Variants in SLC24A3 observed in about 807,000 individuals in gnomAD.
SLC24A3 encodes solute carrier family 24 member 3.
Under a neutral mutation model 75.8 loss-of-function variants are expected in SLC24A3, and 28 were observed. The ratio of observed to expected loss-of-function variants is 0.37; its 90% CI spans 0.27 to 0.51. SLC24A3 has a LOEUF of 0.51. Among genes scored for constraint, SLC24A3 ranks in the 20% least tolerant of loss-of-function variants. The pLI is 0.94. For synonymous variants in SLC24A3, 372 were observed against 334.1 expected, an observed-to-expected ratio of 1.11 and a Z score of -1.24; for missense variants, 663 against 847.8, an observed-to-expected ratio of 0.78 and a Z score of 2.71.
At chr20:19,709,303 G>A (rs971510513) in intron 15 of SLC24A3, among the ~76,000 whole-genome samples, 11 of 152,252 alleles carry the variant, frequency 7.2e-5, no homozygotes, top group African/African-American at 2.4e-4. Flanking sequence ...ATGGCTGTTG[G>A]GAGGCAGCTG....
At chr20:19,646,326 T>G (rs903552644) in intron 6 of SLC24A3, among the ~76,000 whole-genome samples, 1 of 152,200 alleles carries the variant, frequency 6.6e-6, no homozygotes, top group African/African-American at 2.4e-5. Flanking sequence ...GTATACTGTA[T>G]GTCCCATGTG....
chr20:19,631,791 A>AGAGTGTGTGTGTGT (rs1555803686), intron 6 of SLC24A3, among the ~76,000 whole-genome samples: 1 of 147,838 alleles, frequency 6.8e-6, no homozygotes, highest in African/African-American at 2.5e-5. Context: ...TATGAGTGAG[A>AGAGTGTGTGTGTGT]GTGTGTGTGT....
chr20:19,614,079 G>T (rs2031705238), intron 6 of SLC24A3, among the ~76,000 whole-genome samples: 2 of 152,150 alleles, frequency 1.3e-5, no homozygotes, highest in Non-Finnish European at 2.9e-5. Context: ...GTGTGATGAG[G>T]GTGGGACAGT....
At chr20:19,708,596 TGCC>T (rs1254002085) in intron 15 of SLC24A3, among the ~76,000 whole-genome samples, 3 of 152,220 alleles carry the variant, frequency 2.0e-5, no homozygotes, top group Non-Finnish European at 4.4e-5. Flanking sequence ...CCTCTGGCGA[TGCC>T]ACGTTGGTAG....
intron 6 of SLC24A3, among the ~76,000 whole-genome samples, chr20:19,592,992 C>T (rs892192471): frequency 8.6e-5 from 13 of 151,932 alleles, no homozygotes; most frequent in African/African-American, 1.2e-4. Context: ...GACAGGGTTT[C>T]GCCATGTTAG....
intron 2 of SLC24A3, among the ~76,000 whole-genome samples, chr20:19,491,733 G>A (rs1988211925): frequency 6.6e-6 from 1 of 152,168 alleles, no homozygotes; most frequent in South Asian, 2.1e-4. Flanking sequence ...TGCTGGGAAA[G>A]GAGTGGGAGA....
intron 2 of SLC24A3, among the ~76,000 whole-genome samples, chr20:19,415,348 T>G (rs1429909483): frequency 6.6e-6 from 1 of 152,234 alleles, no homozygotes; most frequent in Non-Finnish European, 1.5e-5. Flanking sequence ...GTGCCTTGAT[T>G]GTGCAGTGCA....
rs571690490 is a variant in SLC24A3, at chr20:19,219,358, C to T, written c.142+6374C>T. On this transcript the variant is annotated intron_variant, in intron 1 of 16. Coordinates refer to ENST00000328041, the MANE Select transcript of SLC24A3 (RefSeq NM_020689.4). ...GGAGTTCCTGCCCGGACCCCAGTTG[C>T]GTAAGACACGGGGACCTTCACCCAT... Among the ~76,000 whole-genome samples the T allele has an allele frequency of 3.9e-5, 6 of 152,264 alleles. No individual in the cohort carries two copies. In the East Asian group the frequency reaches 7.7e-4, roughly 20 times the overall value.
At chr20:19,625,290 A>G (rs1213636710) in intron 6 of SLC24A3, among the ~76,000 whole-genome samples, 1 of 152,224 alleles carries the variant, frequency 6.6e-6, no homozygotes, top group Non-Finnish European at 1.5e-5. Flanking sequence ...TATATATTCC[A>G]TTACTGGAAA....
At chr20:19,563,513 AG>A (rs984208786) in intron 3 of SLC24A3, among the ~76,000 whole-genome samples, 1 of 152,208 alleles carries the variant, frequency 6.6e-6, no homozygotes, top group Non-Finnish European at 1.5e-5. Flanking sequence ...TTTTATTAAT[AG>A]AAGATTAGTT....
chr20:19,319,364 A>G (rs1421603263), intron 2 of SLC24A3, among the ~76,000 whole-genome samples: 1 of 152,210 alleles, frequency 6.6e-6, no homozygotes, highest in Non-Finnish European at 1.5e-5. Context: ...ATTGCGATTC[A>G]TAGGCTCTGC....
At chr20:19,615,024 CTA>C (rs2031719460) in intron 6 of SLC24A3, among the ~76,000 whole-genome samples, 1 of 151,618 alleles carries the variant, frequency 6.6e-6, no homozygotes, top group Admixed American at 6.6e-5. Context: ...ATTTTACAGA[CTA>C]TGTGGTCTTT....
chr20:19,362,319 AG>A (rs1221527912), intron 2 of SLC24A3, among the ~76,000 whole-genome samples: 2 of 152,200 alleles, frequency 1.3e-5, no homozygotes, highest in Non-Finnish European at 2.9e-5. Context: ...TTTTAGAGAA[AG>A]GGTTTTTGAG....
At chr20:19,493,526 A>G (rs1318089495) in intron 2 of SLC24A3, among the ~76,000 whole-genome samples, 2 of 152,212 alleles carry the variant, frequency 1.3e-5, no homozygotes, top group Non-Finnish European at 2.9e-5. Context: ...TGCTTCTTCA[A>G]CCAGCATTTA....
chr20:19,469,654 C>T (rs1987832869), intron 2 of SLC24A3, among the ~76,000 whole-genome samples: 1 of 152,176 alleles, frequency 6.6e-6, no homozygotes, highest in African/African-American at 2.4e-5. Context: ...TGTGACTCCA[C>T]CTCAGCTCAC....
At chr20:19,648,823 A>C (rs988972493) in intron 6 of SLC24A3, among the ~76,000 whole-genome samples, 2 of 152,224 alleles carry the variant, frequency 1.3e-5, no homozygotes, top group Non-Finnish European at 2.9e-5. Context: ...TGCATATTCA[A>C]TAGAGAATGT....
chr20:19,352,717 C>G (rs1234255549), intron 2 of SLC24A3, among the ~76,000 whole-genome samples: 1 of 152,168 alleles, frequency 6.6e-6, no homozygotes, highest in Non-Finnish European at 1.5e-5. Flanking sequence ...ACACTTGTTT[C>G]AACATGTGAA....
chr20:19,666,528 T>C (rs1026273418), intron 8 of SLC24A3, among the ~76,000 whole-genome samples: 2 of 151,964 alleles, frequency 1.3e-5, no homozygotes, highest in Non-Finnish European at 2.9e-5. Flanking sequence ...AAAAAAATTG[T>C]GTCCAAACCA....
intron 2 of SLC24A3, among the ~76,000 whole-genome samples, chr20:19,512,697 G>A (rs774366926): frequency 6.6e-6 from 1 of 152,242 alleles, no homozygotes; most frequent in South Asian, 2.1e-4. Context: ...TGAGGCAAGA[G>A]AATAGAGCTG....
Sources: gnomAD v4.1 joint callset for allele counts (sites outside exome capture counted in the v4.1 genomes callset) on GRCh38, gnomAD v4.1.1 for gene constraint, MANE v1.5 for transcripts, NCBI Gene and HGNC (gene_info 2026-07-23, HGNC 2026-07-21) for gene names.